FANCC: variants seen among roughly 807,000 people sequenced by gnomAD.
FANCC encodes the protein Fanconi anemia group C protein.
Under a neutral mutation model 71.3 loss-of-function variants are expected in FANCC, and 55 were observed. The observed-to-expected ratio is 0.77, with a 90% confidence interval of 0.62 to 0.97. FANCC has a LOEUF of 0.97. FANCC is among the 50% of genes least tolerant of loss of function. FANCC has a pLI of 0.00. For missense variants in FANCC, 678 were observed against 670.9 expected (o/e 1.01, Z -0.12); for synonymous variants, 275 against 244.9 (o/e 1.12, Z -1.15).
In FANCC at chr9:95,101,538, C is replaced by A; in HGVS notation, c.*169G>T. ...GTCTGGGCTGAGGGACCTGGCTCTG[C>A]ATTTTGTAAAATAGATACTAGCAGA... On this transcript the variant is annotated 3_prime_UTR_variant, in exon 15 of 15. Transcript: ENST00000289081. 1.2e-6 allele frequency: 1 copy of A among 819,314 alleles called. No homozygotes were observed. Among genetic ancestry groups the A allele is most frequent in the South Asian group, 1.6e-5 (1 of 62,396 alleles). The allele number at this position is 819,314 out of a possible 1,614,324, so 50.8% of individuals were successfully genotyped here. A position where few individuals can be genotyped will look rare whatever the true frequency, so the allele number is the denominator to read the frequency against.
chr9:95,187,946 G>A (rs1826832861), intron 4 of FANCC, among the ~76,000 whole-genome samples: 1 of 151,342 alleles, frequency 6.6e-6, no homozygotes, highest in South Asian at 2.2e-4. Flanking sequence ...GGTTCAATGA[G>A]TAGTTCTGCC....
At chr9:95,215,514 A>T (rs1828809700) in intron 4 of FANCC, among the ~76,000 whole-genome samples, 2 of 151,620 alleles carry the variant, frequency 1.3e-5, no homozygotes, top group African/African-American at 2.4e-5. Context: ...GATCTTTGAT[A>T]CTCCTCCCCC....
In FANCC at chr9:95,100,493, T is replaced by C. The variant is rs1588005290; in HGVS notation, c.*1214A>G. Reference sequence around the variant, plus strand: ...TCAGACTAATACACACAAATCAAAATGGACAAAAGCAAGTCTTGACTCACT... The same window carrying C: ...TCAGACTAATACACACAAATCAAAACGGACAAAAGCAAGTCTTGACTCACT... On this transcript the variant is annotated 3_prime_UTR_variant, in exon 15 of 15. Transcript: ENST00000289081. 6 of 231,852 alleles carry C rather than the reference T, an allele frequency of 2.6e-5. No individual in the cohort carries two copies. The East Asian group carries it at 3.7e-4, about 14-fold the overall frequency. The allele number at this position is 231,852 out of a possible 1,614,324, so 14.4% of individuals were successfully genotyped here.
At chr9:95,252,274 C>CAAAAAAAAAAAAAA (rs71366284) in intron 1 of FANCC, among the ~76,000 whole-genome samples, 5 of 50,156 alleles carry the variant, frequency 1.0e-4, no homozygotes, top group African/African-American at 2.4e-4. Context: ...GAGACTGATT[C>CAAAAAAAAAAAAAA]AAAAAAAAAA....
At chr9:95,164,820 CTCT>C (rs1238378834) in intron 6 of FANCC, among the ~76,000 whole-genome samples, 1 of 152,114 alleles carries the variant, frequency 6.6e-6, no homozygotes, top group African/African-American at 2.4e-5. Flanking sequence ...GAAATGTCCC[CTCT>C]TCTTCAATAT....
intron 4 of FANCC, among the ~76,000 whole-genome samples, chr9:95,229,917 A>G (rs1829889686): frequency 1.3e-5 from 2 of 152,208 alleles, no homozygotes; most frequent in Admixed American, 1.3e-4. Flanking sequence ...AAAATTCTGA[A>G]TTATTAAATT....
At chr9:95,261,614 T>C (rs770183231) in intron 1 of FANCC, among the ~76,000 whole-genome samples, 1 of 152,116 alleles carries the variant, frequency 6.6e-6, no homozygotes, top group South Asian at 2.1e-4. Flanking sequence ...ATTTACCCAG[T>C]CCCTAAGGAA....
chr9:95,226,341 A>C (rs1377341948), intron 4 of FANCC, among the ~76,000 whole-genome samples: 3 of 152,226 alleles, frequency 2.0e-5, no homozygotes, highest in Non-Finnish European at 4.4e-5. Flanking sequence ...TCAATAATAG[A>C]CAGGGGGTGA....
At chr9:95,193,852 G>A (rs1827253893) in intron 4 of FANCC, among the ~76,000 whole-genome samples, 1 of 152,172 alleles carries the variant, frequency 6.6e-6, no homozygotes, top group Non-Finnish European at 1.5e-5. Flanking sequence ...GCTACGGAGG[G>A]TCATTTCAGC....
intron 7 of FANCC, among the ~76,000 whole-genome samples, chr9:95,139,581 C>T (rs145015674): frequency 5.8e-4 from 88 of 152,076 alleles, no homozygotes; most frequent in African/African-American, 2.0e-3. Flanking sequence ...TTCAAATGAG[C>T]TGGATCTGTG....
In FANCC at chr9:95,107,049, A is replaced by G. The variant is rs759936400; in HGVS notation, c.1533+17T>C. On this transcript the variant is annotated intron_variant, in intron 14 of 14. Transcript: ENST00000289081. ...GCAGAAATGAGTACTAGGATGCTGGACCACAGGGAGACTTACCAGGGTGAT... is the reference window on the plus strand; with the variant it reads ...GCAGAAATGAGTACTAGGATGCTGGGCCACAGGGAGACTTACCAGGGTGAT... 2 of 1,613,864 alleles carry G rather than the reference A, an allele frequency of 1.2e-6. No individual in the cohort carries two copies. Among genetic ancestry groups the G allele is most frequent in the Non-Finnish European group, 1.7e-6 (2 of 1,179,744 alleles).
Position 95,126,564 on chromosome 9 carries a change from G to A in FANCC, c.861C>T (p.His287=). 1 of 1,614,030 alleles carries A rather than the reference G, an allele frequency of 6.2e-7. No individual in the cohort carries two copies. Among genetic ancestry groups the A allele is most frequent in the Non-Finnish European group, 8.5e-7 (1 of 1,179,928 alleles). ...KDSSLPQAAC[H]PAIFRVVDEM... The stretch of plus-strand genomic sequence containing the variant: ...CATCAACAACCCGGAATATGGCAGG[G>A]TGGCAGGCTGCTTGAGGCTGTAAAA... The change falls in exon 9 of 15, where the codon CAC becomes CAT. Residue 287 remains histidine (H), a synonymous_variant. Transcript: ENST00000289081.
chr9:95,114,633 G>A lies in FANCC; in HGVS notation c.1150C>T (p.His384Tyr), dbSNP rs1383057170. 2 of 1,613,680 alleles carry A rather than the reference G, an allele frequency of 1.2e-6. No individual in the cohort carries two copies. Among genetic ancestry groups the A allele is most frequent in the East Asian group, 4.5e-5 (2 of 44,894 alleles). The change falls in exon 12 of 15, where the codon CAT becomes TAT. Residue 384 changes from histidine to tyrosine, a missense_variant. Coordinates refer to ENST00000289081, the MANE Select transcript of FANCC (RefSeq NM_000136.3). ...LLREAVEDQT[H>Y]GSCGGPFESW... is the part of the protein sequence containing the mutation. ...GAGTGGTCAGTGTTTGCTCACCCATGAGTCTGGTCTTCAACTGCTTCTCTG... is the reference window on the plus strand; with the variant it reads ...GAGTGGTCAGTGTTTGCTCACCCATAAGTCTGGTCTTCAACTGCTTCTCTG...
In FANCC at chr9:95,123,524, A is replaced by C. The variant is rs772389553; in HGVS notation, c.996+1562T>G. ...TCCTCCAGTCCGTGCCTCCAATATG[A>C]TGAAAAAAAGAAGGAACAACGGTCG... On this transcript the variant is annotated intron_variant, in intron 10 of 14. Coordinates refer to ENST00000289081, the MANE Select transcript of FANCC (RefSeq NM_000136.3). The C allele has an allele frequency of 1.4e-4, 71 of 503,016 alleles. 1 individual carries two copies. Among genetic ancestry groups the C allele is most frequent in the South Asian group, 1.0e-3 (70 of 68,896 alleles). 31.2% of individuals were successfully genotyped at this position (503,016 alleles called of 1,614,324 possible).
chr9:95,283,729 A>C (rs1833506462), intron 1 of FANCC, among the ~76,000 whole-genome samples: 1 of 152,276 alleles, frequency 6.6e-6, no homozygotes, highest in South Asian at 2.1e-4. Flanking sequence ...TAATTATTTC[A>C]AGCTGCCAGT....
At chr9:95,235,170 C>G (rs1830230758) in intron 4 of FANCC, among the ~76,000 whole-genome samples, 1 of 152,128 alleles carries the variant, frequency 6.6e-6, no homozygotes, top group African/African-American at 2.4e-5. Flanking sequence ...CCAAAGGCAC[C>G]TGATGCATGA....
chr9:95,120,860 T>C (rs1377647601), intron 10 of FANCC, among the ~76,000 whole-genome samples: 2 of 152,240 alleles, frequency 1.3e-5, no homozygotes, highest in Admixed American at 6.5e-5. Context: ...ATTGGTTTTC[T>C]TTTTTCCCCT....
At chr9:95,289,212 T>A (rs1833867218) in intron 1 of FANCC, among the ~76,000 whole-genome samples, 1 of 151,946 alleles carries the variant, frequency 6.6e-6, no homozygotes. Context: ...GACTTAAAAA[T>A]TTTTTTCTGA....
intron 1 of FANCC, among the ~76,000 whole-genome samples, chr9:95,259,718 T>C (rs943685574): frequency 6.6e-6 from 1 of 152,206 alleles, no homozygotes; most frequent in Non-Finnish European, 1.5e-5. Flanking sequence ...AAAGAACTTC[T>C]GCACAGCAAA....
Sources: allele counts gnomAD v4.1 joint callset (sites outside exome capture counted in the v4.1 genomes callset), GRCh38; gene constraint gnomAD v4.1.1; transcripts MANE v1.5; gene names NCBI Gene and HGNC (gene_info 2026-07-23, HGNC 2026-07-21).